Variants in WDPCP observed in about 807,000 individuals in gnomAD.
The protein encoded by WDPCP is WD repeat containing planar cell polarity effector.
Under a neutral mutation model 93.1 loss-of-function variants are expected in WDPCP, and 71 were observed. The ratio of observed to expected loss-of-function variants is 0.76; its 90% CI spans 0.63 to 0.93. The LOEUF (loss-of-function observed/expected upper bound fraction) is 0.93, where lower values mean the gene tolerates loss of function less well. Among genes scored for constraint, WDPCP ranks in the 40% least tolerant of loss-of-function variants. WDPCP has a pLI of 0.00. For synonymous variants in WDPCP, 315 were observed against 315.0 expected (o/e 1.00, Z 0.00); for missense variants, 844 against 887.4 (o/e 0.95, Z 0.62).
At chr2:63,789,635 T>C (rs1239991523) in intron 2 of WDPCP, among the ~76,000 whole-genome samples, 3 of 152,226 alleles carry the variant, frequency 2.0e-5, no homozygotes, top group Admixed American at 1.3e-4. Flanking sequence ...GGCCGAAGAC[T>C]GTCACGTTGT....
chr2:63,715,683 T>C (rs1669327279), intron 2 of WDPCP, among the ~76,000 whole-genome samples: 1 of 152,228 alleles, frequency 6.6e-6, no homozygotes. Context: ...ATCTTGCAAT[T>C]AGTGATCTGT....
intron 14 of WDPCP, among the ~76,000 whole-genome samples, chr2:63,237,176 A>G (rs1280540235): frequency 2.6e-5 from 4 of 152,138 alleles, no homozygotes; most frequent in Non-Finnish European, 2.9e-5. Context: ...GGCAAAGGAC[A>G]TGAAAAGACA....
intron 1 of WDPCP, among the ~76,000 whole-genome samples, chr2:63,584,198 G>A (rs1235545328): frequency 6.6e-6 from 1 of 151,840 alleles, no homozygotes; most frequent in Non-Finnish European, 1.5e-5. Flanking sequence ...TACTAACACA[G>A]CTTAAAAAGA....
intron 3 of WDPCP, chr2:63,622,237 C>A (rs1444961117): frequency 1.5e-5 from 24 of 1,610,272 alleles, no homozygotes; most frequent in African/African-American, 2.7e-5. Context: ...AGGTCCTTGG[C>A]CTTCTCTGTA....
chr2:63,243,409 C>T (rs1297378181), intron 14 of WDPCP, among the ~76,000 whole-genome samples: 1 of 151,972 alleles, frequency 6.6e-6, no homozygotes, highest in South Asian at 2.1e-4. Flanking sequence ...AATTTTCTCA[C>T]AGATTCTGGA....
intron 3 of WDPCP, among the ~76,000 whole-genome samples, chr2:63,640,762 A>T (rs1444602176): frequency 1.3e-5 from 2 of 152,204 alleles, no homozygotes; most frequent in Non-Finnish European, 2.9e-5. Flanking sequence ...TAATAATCAC[A>T]TCATGGAGAG....
intron 10 of WDPCP, among the ~76,000 whole-genome samples, chr2:63,394,737 G>A (rs753634699): frequency 3.9e-5 from 6 of 152,114 alleles, no homozygotes; most frequent in Non-Finnish European, 8.8e-5. Context: ...ATGCTCTGCA[G>A]CAAGATGGAT....
chr2:63,255,722 CA>C, intron 14 of WDPCP, among the ~76,000 whole-genome samples: 2 of 152,254 alleles, frequency 1.3e-5, no homozygotes, highest in Middle Eastern at 6.8e-3. Flanking sequence ...ATAAATTACT[CA>C]GTCTCAGGTA....
chr2:63,271,389 G>C (rs537699497), intron 13 of WDPCP, among the ~76,000 whole-genome samples: 13 of 152,200 alleles, frequency 8.5e-5, no homozygotes, highest in Admixed American at 7.8e-4. Context: ...TGATCTGCTT[G>C]TCTGCCACAG....
chr2:63,610,165 T>C (rs1309985183), intron 3 of WDPCP, among the ~76,000 whole-genome samples: 2 of 152,238 alleles, frequency 1.3e-5, no homozygotes, highest in Admixed American at 6.5e-5. Context: ...GTGAAAAGCC[T>C]ATGCCTTTCC....
chr2:63,642,476 T>TC (rs35922729), intron 3 of WDPCP: 1 of 151,214 alleles, frequency 6.6e-6, no homozygotes, highest in Non-Finnish European at 1.5e-5. Flanking sequence ...TTTTTTTTTT[T>TC]GGTGTCATCA....
intron 13 of WDPCP, among the ~76,000 whole-genome samples, chr2:63,281,086 C>T (rs550080322): frequency 4.0e-4 from 61 of 151,876 alleles, no homozygotes; most frequent in African/African-American, 1.4e-3. Flanking sequence ...ATACATCTAA[C>T]GAAGGACTAA....
Position 63,214,065 on chromosome 2 carries a change from C to T in WDPCP, c.1916-39233G>A, listed in dbSNP as rs114437925. Among the ~76,000 whole-genome samples, 1,310 of 152,272 alleles carry T rather than the reference C, an allele frequency of 8.6e-3. 24 individuals carry two copies. Among genetic ancestry groups the T allele is most frequent in the African/African-American group, 0.03 (1,235 of 41,524 alleles). ...GGTACAAAGAGGAGCTGGTACCATG[C>T]CTTCTGAAACTGTTCCAGTCAATAG... On this transcript the variant is annotated intron_variant, in intron 14 of 17. Coordinates refer to ENST00000272321, the MANE Select transcript of WDPCP (RefSeq NM_015910.7).
rs575344100 is a variant in WDPCP at position 63,119,845 on chromosome 2, C to G, written c.*2161G>C. Among the ~76,000 whole-genome samples, 4 of 152,294 alleles carry G rather than the reference C, an allele frequency of 2.6e-5. No individual in the cohort carries two copies. The highest frequency in any genetic ancestry group is 2.9e-5 in the Non-Finnish European group (2 of 68,024). On this transcript the variant is annotated 3_prime_UTR_variant, in exon 18 of 18. Transcript: ENST00000272321. ...AATTTAATTAATATTCTCAGATTTA[C>G]AACATCTGGGAAATAACAGCATTTA...
At chr2:63,662,150 G>A (rs1462581158) in intron 2 of WDPCP, among the ~76,000 whole-genome samples, 1 of 152,148 alleles carries the variant, frequency 6.6e-6, no homozygotes, top group African/African-American at 2.4e-5. Context: ...CAACAAGCCA[G>A]TACAGAGTAC....
intron 14 of WDPCP, among the ~76,000 whole-genome samples, chr2:63,250,495 C>T (rs748547313): frequency 2.0e-4 from 31 of 152,022 alleles, no homozygotes; most frequent in Admixed American, 9.8e-4. Flanking sequence ...AGTTCTTTAC[C>T]TCAATTGAAT....
intron 14 of WDPCP, among the ~76,000 whole-genome samples, chr2:63,233,913 G>C (rs758455901): frequency 2.6e-5 from 4 of 152,100 alleles, no homozygotes; most frequent in Admixed American, 6.6e-5. Context: ...GCCATCTCCT[G>C]TGCCCAGCCA....
intron 10 of WDPCP, among the ~76,000 whole-genome samples, chr2:63,388,039 C>T (rs1246340468): frequency 6.6e-6 from 1 of 152,042 alleles, no homozygotes; most frequent in Non-Finnish European, 1.5e-5. Flanking sequence ...ATTAAAATGA[C>T]TTTACTGCCC....
At chr2:63,592,482 C>T (rs1709218910), upstream of WDPCP, among the ~76,000 whole-genome samples, 1 of 152,128 alleles carries the variant, frequency 6.6e-6, no homozygotes, top group Admixed American at 6.5e-5. Context: ...TCCTGAGTGG[C>T]TGGAACTACA....
Sources: allele counts gnomAD v4.1 joint callset (sites outside exome capture counted in the v4.1 genomes callset), GRCh38; gene constraint gnomAD v4.1.1; transcripts MANE v1.5; gene names NCBI Gene and HGNC (gene_info 2026-07-23, HGNC 2026-07-21).